The following CDH13 variants were observed in gnomAD, a reference collection of about 807,000 sequenced individuals.
The protein encoded by CDH13 is cadherin 13, also known as cadherin-13.
A neutral mutation model predicts 63.8 loss-of-function variants in CDH13; 24 were observed. The ratio of observed to expected loss-of-function variants is 0.38; its 90% confidence interval spans 0.27 to 0.53. CDH13 has a LOEUF of 0.53. Among genes scored for constraint, CDH13 ranks in the 20% least tolerant of loss-of-function variants. The pLI is 0.85. For synonymous variants in CDH13, 503 were observed against 355.3 expected, an observed-to-expected ratio of 1.42 and a Z score of -4.67; for missense variants, 1,049 against 903.1, an observed-to-expected ratio of 1.16 and a Z score of -2.07.
At chr16:82,827,420 G>T (rs1056535193) in intron 1 of CDH13, among the ~76,000 whole-genome samples, 1 of 152,160 alleles carries the variant, frequency 6.6e-6, no homozygotes, top group African/African-American at 2.4e-5. Flanking sequence ...GGAGCCAGAG[G>T]TTCTGAACAA....
rs182205402 is a variant in CDH13 at position 82,956,272 on chromosome 16, G to A, written c.158-75738G>A. Among the ~76,000 whole-genome samples, 62 of 152,010 alleles carry A rather than the reference G, an allele frequency of 4.1e-4. No individual in the cohort carries two copies. In the South Asian group the frequency reaches 0.012, roughly 29 times the overall value. On this transcript the variant is annotated intron_variant, in intron 2 of 13. Transcript: ENST00000567109. The stretch of plus-strand genomic sequence containing the variant: ...CCTTCTACTTCTCTCTGACAGATTT[G>A]CTTCTGTCTATCCTCATCTTCATCC...
chr16:83,128,065 G>A (rs988788893), intron 4 of CDH13, among the ~76,000 whole-genome samples: 12 of 152,120 alleles, frequency 7.9e-5, no homozygotes, highest in African/African-American at 1.4e-4. Flanking sequence ...ATGCATTCTC[G>A]TTTTTCAGTT....
At chr16:82,684,877 A>C (rs1445510679) in intron 1 of CDH13, among the ~76,000 whole-genome samples, 2 of 151,640 alleles carry the variant, frequency 1.3e-5, no homozygotes, top group Non-Finnish European at 2.9e-5. Flanking sequence ...ATAAGGGTGG[A>C]GGACAAACAA....
At chr16:82,627,667 G>A (rs1052939516) in intron 1 of CDH13, among the ~76,000 whole-genome samples, 6 of 152,108 alleles carry the variant, frequency 3.9e-5, no homozygotes, top group Admixed American at 2.0e-4. Context: ...CAGCCCGGCT[G>A]CCCGCTGGAA....
intron 7 of CDH13, among the ~76,000 whole-genome samples, chr16:83,525,888 A>C (rs1381929523): frequency 6.6e-6 from 1 of 152,180 alleles, no homozygotes; most frequent in East Asian, 1.9e-4. Context: ...AAGACAGAGG[A>C]GGGGCCACAA....
intron 3 of CDH13, among the ~76,000 whole-genome samples, chr16:83,089,768 C>T (rs1362613962): frequency 6.6e-6 from 1 of 152,142 alleles, no homozygotes; most frequent in African/African-American, 2.4e-5. Context: ...TCTAAGTAAA[C>T]GTAGAGTCCA....
intron 4 of CDH13, among the ~76,000 whole-genome samples, chr16:83,150,594 A>T (rs1456386331): frequency 1.3e-5 from 2 of 152,214 alleles, no homozygotes; most frequent in Non-Finnish European, 2.9e-5. Flanking sequence ...TACTTCCTCC[A>T]GGAAGCTGTC....
chr16:83,117,232 G>T (rs1428722422), intron 3 of CDH13, among the ~76,000 whole-genome samples: 1 of 152,142 alleles, frequency 6.6e-6, no homozygotes, highest in Non-Finnish European at 1.5e-5. Flanking sequence ...TGCCTCTCCA[G>T]GGTCTGACTT....
intron 2 of CDH13, among the ~76,000 whole-genome samples, chr16:83,019,463 C>T (rs1915131635): frequency 6.6e-6 from 1 of 151,068 alleles, no homozygotes; most frequent in Admixed American, 6.6e-5. Context: ...TCCTGAAGGA[C>T]TTGCCTGAGG....
chr16:83,108,530 C>T (rs1001222737), intron 3 of CDH13, among the ~76,000 whole-genome samples: 1 of 152,206 alleles, frequency 6.6e-6, no homozygotes, highest in African/African-American at 2.4e-5. Flanking sequence ...GGCCAGGCTC[C>T]TCCCCACTGC....
chr16:82,687,139 A>G (rs1231655913), intron 1 of CDH13, among the ~76,000 whole-genome samples: 1 of 152,182 alleles, frequency 6.6e-6, no homozygotes, highest in Non-Finnish European at 1.5e-5. Context: ...CTGTTTACCT[A>G]AGATGGAGAG....
At chr16:83,418,704 G>C (rs1033497098) in intron 6 of CDH13, among the ~76,000 whole-genome samples, 2 of 152,158 alleles carry the variant, frequency 1.3e-5, no homozygotes, top group South Asian at 4.1e-4. Flanking sequence ...GAGAGAGAGA[G>C]AGACAGAGAA....
intron 2 of CDH13, among the ~76,000 whole-genome samples, chr16:82,901,742 C>T (rs1037756696): frequency 7.9e-5 from 12 of 152,260 alleles, no homozygotes; most frequent in African/African-American, 2.2e-4. Flanking sequence ...AAAATGGATA[C>T]GAACCATATA....
chr16:83,786,944 A>C (rs1190506131), intron 13 of CDH13, among the ~76,000 whole-genome samples: 1 of 152,162 alleles, frequency 6.6e-6, no homozygotes, highest in African/African-American at 2.4e-5. Context: ...AAAATTGCCT[A>C]TGTTTCTCTG....
At chr16:83,561,442 A>G (rs2075707428) in intron 7 of CDH13, among the ~76,000 whole-genome samples, 3 of 152,122 alleles carry the variant, frequency 2.0e-5, no homozygotes, top group East Asian at 3.9e-4. Context: ...AAAAAAAAAA[A>G]AAAACTTCAA....
intron 3 of CDH13, among the ~76,000 whole-genome samples, chr16:83,114,770 C>G (rs1201710552): frequency 2.0e-5 from 3 of 152,090 alleles, no homozygotes; most frequent in East Asian, 3.9e-4. Context: ...AACTTCAGCC[C>G]CAGGAGGCAA....
chr16:83,226,521 C>G (rs760148476), intron 5 of CDH13, among the ~76,000 whole-genome samples: 1 of 152,230 alleles, frequency 6.6e-6, no homozygotes, highest in Non-Finnish European at 1.5e-5. Context: ...ACACTCGGTA[C>G]TTAGCACACA....
chr16:83,291,004 T>C (rs543426161), intron 5 of CDH13, among the ~76,000 whole-genome samples: 24 of 152,306 alleles, frequency 1.6e-4, no homozygotes, highest in Admixed American at 5.2e-4. Context: ...TTTTGTGCAC[T>C]CATGCAGCAT....
At chr16:83,438,464 C>T (rs534980974) in intron 6 of CDH13, among the ~76,000 whole-genome samples, 66 of 152,320 alleles carry the variant, frequency 4.3e-4, no homozygotes, top group African/African-American at 1.3e-3. Context: ...GGGCAGGGCC[C>T]GGTCACAGTT....
Sources: gnomAD v4.1 joint callset for allele counts (sites outside exome capture counted in the v4.1 genomes callset) on GRCh38, gnomAD v4.1.1 for gene constraint, MANE v1.5 for transcripts, NCBI Gene and HGNC (gene_info 2026-07-23, HGNC 2026-07-21) for gene names.